MBNL1: variants seen among roughly 807,000 people sequenced by gnomAD.
The protein encoded by MBNL1 is muscleblind like splicing regulator 1, also known as muscleblind-like protein 1.
A neutral mutation model predicts 42.2 loss-of-function variants in MBNL1; 8 were observed. The ratio of observed to expected loss-of-function variants is 0.19; its 90% CI spans 0.11 to 0.34. The LOEUF is 0.34. MBNL1 is among the 10% of genes least tolerant of loss of function. The probability of loss-of-function intolerance (pLI) is 1.00; values close to 1 mark genes in which losing one functional copy is unlikely to be tolerated. For missense variants in MBNL1, 309 were observed against 495.3 expected, an observed-to-expected ratio of 0.62 and a Z score of 3.57; for synonymous variants, 169 against 173.9, an observed-to-expected ratio of 0.97 and a Z score of 0.22.
upstream of MBNL1, chr3:152,268,844 T>C (rs1576842406): frequency 2.4e-6 from 1 of 424,430 alleles, no homozygotes; most frequent in Non-Finnish European, 4.7e-6. Context: ...GGCTTCCTGG[T>C]GGGGCTGGGC....
At chr3:152,284,655 C>G (rs894455510) in intron 1 of MBNL1, among the ~76,000 whole-genome samples, 2 of 152,124 alleles carry the variant, frequency 1.3e-5, no homozygotes, top group Admixed American at 6.5e-5. Context: ...AGTATTCTGT[C>G]TCCTTCATTG....
chr3:152,339,503 C>T (rs1420456038), intron 2 of MBNL1, among the ~76,000 whole-genome samples: 1 of 151,766 alleles, frequency 6.6e-6, no homozygotes, highest in African/African-American at 2.4e-5. Context: ...CCTCTATTTT[C>T]AGGCAGTAAT....
In MBNL1 at chr3:152,344,695, C is replaced by T. The variant is rs139818059; in HGVS notation, c.174+44328C>T. ...TTACACATTTAAACATTTTCGCTTT[C>T]GAAAACATACATTGTTGTGAAAGTA... On this transcript the variant is annotated intron_variant, in intron 2 of 9. Transcript: ENST00000324210. Among the ~76,000 whole-genome samples, 506 of 152,160 alleles carry T rather than the reference C, an allele frequency of 3.3e-3. 1 individual carries two copies. Among genetic ancestry groups the T allele is most frequent in the Middle Eastern group, 0.01 (3 of 294 alleles).
At chr3:152,320,739 G>C (rs1400587153) in intron 2 of MBNL1, among the ~76,000 whole-genome samples, 1 of 131,946 alleles carries the variant, frequency 7.6e-6, no homozygotes, top group Non-Finnish European at 1.6e-5. Context: ...AAAGAGTTTT[G>C]ATTAGTATTG....
chr3:152,346,850 G>A (rs17369534), intron 2 of MBNL1, among the ~76,000 whole-genome samples: 1 of 148,450 alleles, frequency 6.7e-6, no homozygotes, highest in Admixed American at 6.8e-5. Flanking sequence ...GTCCCAGTCT[G>A]CATTACCAAA....
chr3:152,395,210 ATAAG>A, intron 2 of MBNL1, among the ~76,000 whole-genome samples: 1 of 152,172 alleles, frequency 6.6e-6, no homozygotes, highest in Non-Finnish European at 1.5e-5. Context: ...AAAAATATGG[ATAAG>A]TAGTTTTTAT....
intron 6 of MBNL1, among the ~76,000 whole-genome samples, chr3:152,454,970 A>G (rs1385784606): frequency 6.6e-6 from 1 of 152,208 alleles, no homozygotes; most frequent in African/African-American, 2.4e-5. Flanking sequence ...TGTATGAATA[A>G]TTACAACCCC....
At chr3:152,344,208 A>G (rs1164356267) in intron 2 of MBNL1, among the ~76,000 whole-genome samples, 1 of 152,174 alleles carries the variant, frequency 6.6e-6, no homozygotes, top group Non-Finnish European at 1.5e-5. Flanking sequence ...AGTAAAAAGA[A>G]CAAAGAGAAT....
At chr3:152,295,935 G>A (rs1350677249) in intron 1 of MBNL1, among the ~76,000 whole-genome samples, 8 of 152,170 alleles carry the variant, frequency 5.3e-5, no homozygotes, top group South Asian at 2.1e-4. Context: ...AAAAGGGAAA[G>A]GTTCAAGAAA....
In MBNL1 at chr3:152,296,304, G is replaced by T. The variant is rs963510061; in HGVS notation, c.-789-3101G>T. On this transcript the variant is annotated intron_variant, in intron 1 of 9. Coordinates refer to ENST00000324210, the MANE Select transcript of MBNL1 (RefSeq NM_021038.5). ...CTGAAAGACAGGGCGTGCATGTATAGAGGAGGCAGAAAAAGAACTAGATCT... is the reference window on the plus strand; with the variant it reads ...CTGAAAGACAGGGCGTGCATGTATATAGGAGGCAGAAAAAGAACTAGATCT... Among the ~76,000 whole-genome samples the T allele has an allele frequency of 2.0e-5, 3 of 152,160 alleles. No homozygotes were observed. The South Asian group carries it at 6.2e-4, about 31-fold the overall frequency.
rs1580637577 is a variant in MBNL1 at position 152,445,335 on chromosome 3, G to A, written c.603G>A (p.Arg201=). The change falls in exon 5 of 10, where the codon CGG becomes CGA. Residue 201 remains arginine, a synonymous_variant. Coordinates refer to ENST00000324210, the MANE Select transcript of MBNL1 (RefSeq NM_021038.5). ...GNCNRGENDC[R]FAHPADSTMI... ...GCAACCGAGGAGAAAATGATTGTCG[G>A]TTTGCTCATCCTGCTGACAGCACAA... 1 of 1,614,076 alleles carries A rather than the reference G, an allele frequency of 6.2e-7. No homozygotes were observed. Among genetic ancestry groups the A allele is most frequent in the East Asian group, 2.2e-5 (1 of 44,886 alleles).
At chr3:152,247,008 G>A (rs2033209164) in intron 2 of MBNL1, among the ~76,000 whole-genome samples, 1 of 152,076 alleles carries the variant, frequency 6.6e-6, no homozygotes, top group Non-Finnish European at 1.5e-5. Context: ...AGGAATAACA[G>A]TGCTATTTGT....
chr3:152,391,342 T>A (rs2097708478), intron 2 of MBNL1, among the ~76,000 whole-genome samples: 2 of 152,242 alleles, frequency 1.3e-5, no homozygotes, highest in Non-Finnish European at 2.9e-5. Context: ...AACCATGAAA[T>A]CTTCATAGCA....
At chr3:152,392,685 C>T (rs1434986744) in intron 2 of MBNL1, among the ~76,000 whole-genome samples, 1 of 152,084 alleles carries the variant, frequency 6.6e-6, no homozygotes, top group Non-Finnish European at 1.5e-5. Flanking sequence ...CTGGGTGAGC[C>T]ATAGTCTCCA....
intron 3 of MBNL1, among the ~76,000 whole-genome samples, chr3:152,416,748 T>C (rs1437408687): frequency 2.6e-5 from 4 of 152,226 alleles, no homozygotes; most frequent in Admixed American, 6.5e-5. Flanking sequence ...AAGGCCATTC[T>C]AGGATGTCGT....
chr3:152,302,615 A>G (rs904453036), intron 2 of MBNL1, among the ~76,000 whole-genome samples: 1 of 152,184 alleles, frequency 6.6e-6, no homozygotes, highest in East Asian at 1.9e-4. Context: ...TCAAAAACAT[A>G]TTTTAAAACT....
rs559110035 is a variant in MBNL1, at chr3:152,361,606, G to A, written c.175-53335G>A. On this transcript the variant is annotated intron_variant, in intron 2 of 9. Transcript: ENST00000324210. ...TAGAGGGTTAGGCCCAGGTTATGAGGGACTTTGTGAGTTAAGCTGAAGAGT... is the reference window on the plus strand; with the variant it reads ...TAGAGGGTTAGGCCCAGGTTATGAGAGACTTTGTGAGTTAAGCTGAAGAGT... 3.3e-5 allele frequency among the ~76,000 whole-genome samples: 5 copies of A among 151,976 alleles called. No individual in the cohort carries two copies. The South Asian group carries it at 8.3e-4, about 25-fold the overall frequency.
chr3:152,380,842 G>A (rs2097150063), intron 2 of MBNL1, among the ~76,000 whole-genome samples: 1 of 151,848 alleles, frequency 6.6e-6, no homozygotes. Context: ...ACATTTTTGT[G>A]GCACTACACA....
intron 2 of MBNL1, among the ~76,000 whole-genome samples, chr3:152,329,705 A>G (rs1308461670): frequency 6.8e-6 from 1 of 147,162 alleles, no homozygotes; most frequent in Non-Finnish European, 1.5e-5. Context: ...TTATATATAT[A>G]TATAATATAT....
Sources: allele counts gnomAD v4.1 joint callset (sites outside exome capture counted in the v4.1 genomes callset), GRCh38; gene constraint gnomAD v4.1.1; transcripts MANE v1.5; gene names NCBI Gene and HGNC (gene_info 2026-07-23, HGNC 2026-07-21).